Variants in TMEM154 observed in about 807,000 individuals in gnomAD.
TMEM154 encodes transmembrane protein 154.
In TMEM154, 27 loss-of-function variants were observed where a neutral mutation model predicts 24.5. The ratio of observed to expected loss-of-function variants is 1.10; its 90% CI spans 0.81 to 1.52. The LOEUF is 1.52. TMEM154 is among the 40% of genes most tolerant of loss of function. The pLI is 0.00. For synonymous variants in TMEM154, 67 were observed against 76.8 expected (o/e 0.87, Z 0.67); for missense variants, 228 against 213.4 (o/e 1.07, Z -0.43).
intron 1 of TMEM154, 32 bp downstream of exon 1, chr4:152,679,826 TTTGCGATCCTCC>T (rs1352585242): frequency 6.3e-7 from 1 of 1,582,666 alleles, no homozygotes; most frequent in Non-Finnish European, 8.6e-7. Context: ...CCTACCAGCT[TTTGCGATCCTCC>T]TTCCCAGGAG....
In TMEM154 at chr4:152,652,886, C is replaced by A; in HGVS notation, c.106G>T (p.Glu36Ter). Residue 36 changes from glutamate to a stop codon, truncating the protein, a stop_gained, in exon 2 of 7, where the codon GAA (glutamate) becomes TAA (stop). Coordinates refer to ENST00000304385, the MANE Select transcript of TMEM154 (RefSeq NM_152680.3). LOFTEE classifies it high-confidence loss of function. The part of the protein sequence containing the change: ...ELENSGDTTV[E>*]SERPNKVTIP... ...GTCACTTTATTTGGTCTTTCAGATT[C>A]CACAGTTGTATCTCCTGAGTTTTCT... is the stretch of plus-strand genomic sequence containing the variant. The A allele has an allele frequency of 1.9e-6, 3 of 1,613,204 alleles. No individual in the cohort carries two copies. The highest frequency in any genetic ancestry group is 2.5e-6 in the Non-Finnish European group (3 of 1,179,712).
intron 1 of TMEM154, among the ~76,000 whole-genome samples, chr4:152,661,050 A>T (rs919610187): frequency 1.3e-5 from 2 of 152,190 alleles, no homozygotes; most frequent in Admixed American, 6.5e-5. Context: ...TAAAAGAGAA[A>T]CGGAAAGAAG....
chr4:152,674,876 C>A (rs1303324555), intron 1 of TMEM154, among the ~76,000 whole-genome samples: 1 of 152,090 alleles, frequency 6.6e-6, no homozygotes, highest in Non-Finnish European at 1.5e-5. Context: ...GGAGGCAAGG[C>A]CAGGTGCGGT....
chr4:152,644,380 C>A (rs372164681), intron 4 of TMEM154, 35 bp downstream of exon 4: 6 of 1,612,552 alleles, frequency 3.7e-6, no homozygotes, highest in Non-Finnish European at 5.1e-6. Flanking sequence ...GCTGTTCACA[C>A]CCCAGGTGGA....
intron 3 of TMEM154, chr4:152,647,015 A>T (rs752099654): frequency 1.4e-6 from 1 of 727,026 alleles, no homozygotes; most frequent in South Asian, 1.5e-5. Flanking sequence ...AGAGCAGAAC[A>T]TCACGTTACT....
At chr4:152,633,592 T>C (rs1752091479) in intron 6 of TMEM154, among the ~76,000 whole-genome samples, 1 of 152,314 alleles carries the variant, frequency 6.6e-6, no homozygotes, top group African/African-American at 2.4e-5. Context: ...TTCAAACCTT[T>C]AGTTTGAAAG....
chr4:152,643,103 T>G lies in TMEM154; in HGVS notation c.463A>C (p.Ser155Arg). 6.2e-7 allele frequency: 1 copy of G among 1,612,834 alleles called. No homozygotes were observed. Among genetic ancestry groups the G allele is most frequent in the Non-Finnish European group, 8.5e-7 (1 of 1,179,620 alleles). ...TACCACATACCATTTCTATTCATGC[T>G]GTTCATCCATTTATCAAGCTCTTCC... ...EMEELDKWMNSMNRNADFECL... is the reference protein window; with the variant it reads ...EMEELDKWMNRMNRNADFECL... The change falls in exon 5 of 7, where the codon AGC becomes CGC. Residue 155 changes from serine to arginine, a missense_variant. Transcript: ENST00000304385.
At chr4:152,642,616 A>T (rs146051557) in intron 5 of TMEM154, among the ~76,000 whole-genome samples, 28 of 152,252 alleles carry the variant, frequency 1.8e-4, no homozygotes, top group African/African-American at 6.7e-4. Context: ...GCTACTAAAC[A>T]CTCAATATTT....
chr4:152,632,968 G>A (rs1037130423), intron 6 of TMEM154, among the ~76,000 whole-genome samples: 1 of 152,020 alleles, frequency 6.6e-6, no homozygotes, highest in Non-Finnish European at 1.5e-5. Context: ...CTGACACACA[G>A]ACACATGAAT....
intron 3 of TMEM154, among the ~76,000 whole-genome samples, chr4:152,649,655 C>T (rs1293066350): frequency 6.6e-6 from 1 of 152,180 alleles, no homozygotes; most frequent in African/African-American, 2.4e-5. Flanking sequence ...AGGCCTCTAG[C>T]CTTCCCATCC....
intron 1 of TMEM154, among the ~76,000 whole-genome samples, chr4:152,672,747 G>A (rs1435858668): frequency 1.3e-5 from 2 of 152,172 alleles, no homozygotes; most frequent in Non-Finnish European, 2.9e-5. Flanking sequence ...AAGAATAGAG[G>A]ATGATTTAAC....
chr4:152,639,621 T>C (rs1286066635), intron 6 of TMEM154, among the ~76,000 whole-genome samples: 1 of 151,972 alleles, frequency 6.6e-6, no homozygotes, highest in East Asian at 1.9e-4. Context: ...TCCCCATTTC[T>C]TTTAGAGACA....
intron 1 of TMEM154, among the ~76,000 whole-genome samples, chr4:152,675,731 C>T (rs947817556): frequency 2.0e-5 from 3 of 152,184 alleles, no homozygotes; most frequent in African/African-American, 7.2e-5. Context: ...AAGGTGATTG[C>T]ACTAATCTAC....
intron 6 of TMEM154, among the ~76,000 whole-genome samples, chr4:152,630,850 GATC>G (rs996166557): frequency 6.6e-6 from 1 of 151,994 alleles, no homozygotes; most frequent in Non-Finnish European, 1.5e-5. Context: ...TACAAAATGG[GATC>G]ATATTTTATA....
At chr4:152,674,395 C>T (rs551991716) in intron 1 of TMEM154, among the ~76,000 whole-genome samples, 2 of 152,204 alleles carry the variant, frequency 1.3e-5, no homozygotes, top group Non-Finnish European at 2.9e-5. Flanking sequence ...TGCCATCATC[C>T]TGACACCTGT....
At chr4:152,679,733 C>G in intron 1 of TMEM154, 137 bp downstream of exon 1, 1 of 1,316,538 alleles carries the variant, frequency 7.6e-7, no homozygotes, top group Non-Finnish European at 1.1e-6. Flanking sequence ...AAAAGGAGTT[C>G]TAATTTTCTC....
At position 152,649,423 on chromosome 4, in the gene TMEM154, C is replaced by G. The variant is rs761737392; in HGVS notation, c.364+3115G>C. ...AACTGAATACTCTCAAAGTGGGTCTCTGACTGAGGGAATTTTCTATAATTG... is the reference window on the plus strand; with the variant it reads ...AACTGAATACTCTCAAAGTGGGTCTGTGACTGAGGGAATTTTCTATAATTG... On this transcript the variant is annotated intron_variant, in intron 3 of 6. Transcript: ENST00000304385. 1.1e-3 allele frequency among the ~76,000 whole-genome samples: 162 copies of G among 152,312 alleles called. 1 individual carries two copies. The highest frequency in any genetic ancestry group is 1.8e-3 in the Non-Finnish European group (123 of 68,034).
In TMEM154 at chr4:152,625,336, C is replaced by A; in HGVS notation, c.*3210G>T. 1.3e-5 allele frequency: 2 copies of A among 159,862 alleles called. No individual in the cohort carries two copies. Among genetic ancestry groups the A allele is most frequent in the African/African-American group, 2.4e-5 (1 of 41,824 alleles). 9.9% of individuals were successfully genotyped at this position (159,862 alleles called of 1,614,324 possible). A position where few individuals can be genotyped will look rare whatever the true frequency, so the allele number is the denominator to read the frequency against. ...GCCTACACCACGAGGGCCAATTCTG[C>A]CATAAGCCCTATTGCCCAGATATGT... On this transcript the variant is annotated 3_prime_UTR_variant, in exon 7 of 7. Transcript: ENST00000304385.
At chr4:152,672,855 A>T (rs1473428069) in intron 1 of TMEM154, among the ~76,000 whole-genome samples, 1 of 152,236 alleles carries the variant, frequency 6.6e-6, no homozygotes, top group East Asian at 1.9e-4. Flanking sequence ...GAGAGTAAAC[A>T]TTTTAGATTT....
Sources: gnomAD v4.1 joint callset for allele counts (sites outside exome capture counted in the v4.1 genomes callset) on GRCh38, gnomAD v4.1.1 for gene constraint, MANE v1.5 for transcripts, NCBI Gene and HGNC (gene_info 2026-07-23, HGNC 2026-07-21) for gene names.